BICC1: variants seen among roughly 807,000 people sequenced by gnomAD.
BICC1 encodes the protein BicC family RNA binding protein 1.
In BICC1, 43 loss-of-function variants were observed where a neutral mutation model predicts 111.0. That is an observed-to-expected ratio of 0.39 (90% CI 0.30 to 0.50). The LOEUF (loss-of-function observed/expected upper bound fraction) is 0.50, where lower values mean the gene tolerates loss of function less well. Among genes scored for constraint, BICC1 ranks in the 20% least tolerant of loss-of-function variants. The pLI is 0.88. For missense variants in BICC1, 1,091 were observed against 1,203.2 expected, an observed-to-expected ratio of 0.91 and a Z score of 1.38; for synonymous variants, 467 against 434.4, an observed-to-expected ratio of 1.07 and a Z score of -0.93.
intron 2 of BICC1, among the ~76,000 whole-genome samples, chr10:58,637,920 A>G (rs1564525131): frequency 1.3e-5 from 2 of 152,248 alleles, no homozygotes; most frequent in East Asian, 3.9e-4. Context: ...CCAGTAAGGT[A>G]CAGAAGGCCT....
chr10:58,759,617 A>G (rs370060594), intron 3 of BICC1, among the ~76,000 whole-genome samples: 13 of 152,302 alleles, frequency 8.5e-5, no homozygotes, highest in African/African-American at 2.9e-4. Context: ...GGTGTAAAAG[A>G]AACTGAACAT....
intron 3 of BICC1, among the ~76,000 whole-genome samples, chr10:58,744,024 C>T (rs537124564): frequency 2.6e-5 from 4 of 151,942 alleles, no homozygotes; most frequent in African/African-American, 9.7e-5. Context: ...TTTAATTCCA[C>T]GCTAATGAAC....
chr10:58,602,184 T>A (rs1845062158), intron 1 of BICC1, among the ~76,000 whole-genome samples: 1 of 152,132 alleles, frequency 6.6e-6, no homozygotes, highest in African/African-American at 2.4e-5. Context: ...TTCAAGATAA[T>A]AATACTTATA....
At chr10:58,616,317 T>G (rs1265256848) in intron 1 of BICC1, among the ~76,000 whole-genome samples, 2 of 152,144 alleles carry the variant, frequency 1.3e-5, no homozygotes, top group Non-Finnish European at 2.9e-5. Flanking sequence ...GAGATGTGGA[T>G]TGATTTGGTT....
At chr10:58,685,198 C>A (rs903018704) in intron 2 of BICC1, among the ~76,000 whole-genome samples, 1 of 152,144 alleles carries the variant, frequency 6.6e-6, no homozygotes, top group African/African-American at 2.4e-5. Context: ...GTTTCTTAAT[C>A]CTGAGTTCTA....
At chr10:58,622,983 A>G (rs1488055234) in intron 2 of BICC1, among the ~76,000 whole-genome samples, 2 of 152,168 alleles carry the variant, frequency 1.3e-5, no homozygotes, top group African/African-American at 4.8e-5. Flanking sequence ...TGAGGTGTGC[A>G]TGACAAAAGT....
At chr10:58,525,563 G>T (rs1842510122) in intron 1 of BICC1, among the ~76,000 whole-genome samples, 2 of 122,718 alleles carry the variant, frequency 1.6e-5, no homozygotes, top group Admixed American at 9.1e-5. Context: ...GGCCTGTTGT[G>T]GGGTGGGGGG....
chr10:58,794,957 G>A (rs7923911), intron 9 of BICC1, among the ~76,000 whole-genome samples: 17,611 of 152,092 alleles, frequency 0.12, 1,605 homozygotes, highest in African/African-American at 0.26. Flanking sequence ...ATATTGCATC[G>A]TAGTATGTAG....
At chr10:58,798,634 G>C in intron 11 of BICC1, 74 bp downstream of exon 11, 1 of 1,358,518 alleles carries the variant, frequency 7.4e-7, no homozygotes, top group Admixed American at 2.8e-5. Flanking sequence ...AATTTACGAA[G>C]GGCTCAGTTT....
At chr10:58,783,273 G>A (rs569323542) in intron 3 of BICC1, among the ~76,000 whole-genome samples, 11 of 152,272 alleles carry the variant, frequency 7.2e-5, no homozygotes, top group African/African-American at 2.4e-4. Flanking sequence ...GAGGCCAGAG[G>A]CATTCCTGAA....
chr10:58,756,315 A>T (rs1373359788), intron 3 of BICC1, among the ~76,000 whole-genome samples: 3 of 152,088 alleles, frequency 2.0e-5, no homozygotes, highest in African/African-American at 7.2e-5. Flanking sequence ...GAGAAACCAC[A>T]AGCATTCCTG....
Position 58,817,621 on chromosome 10 carries a change from A to G in BICC1, c.2593A>G (p.Asn865Asp). 1 of 1,613,628 alleles carries G rather than the reference A, an allele frequency of 6.2e-7. No homozygotes were observed. Among genetic ancestry groups the G allele is most frequent in the South Asian group, 1.1e-5 (1 of 91,078 alleles). ...MDCISSLTGS[N>D]GCNLNSSFKG... ...CTGCATTTCCTCGCTGACAGGAAGCAATGGCTGTAACTTAAATAGCTCTTT... is the reference window on the plus strand; with the variant it reads ...CTGCATTTCCTCGCTGACAGGAAGCGATGGCTGTAACTTAAATAGCTCTTT... Residue 865 changes from asparagine (N) to aspartate (D), a missense_variant, in exon 19 of 21, where the codon AAT becomes GAT. This residue lies in a region of BICC1 where 231 missense variants were observed against 256.2 expected (regional missense o/e 0.90). Coordinates refer to ENST00000373886, the MANE Select transcript of BICC1 (RefSeq NM_001080512.3).
chr10:58,625,204 C>T (rs1406676037), intron 2 of BICC1, among the ~76,000 whole-genome samples: 2 of 152,210 alleles, frequency 1.3e-5, no homozygotes, highest in African/African-American at 4.8e-5. Context: ...CAGTTTTTTA[C>T]AGTTCTTTGG....
intron 2 of BICC1, among the ~76,000 whole-genome samples, chr10:58,644,828 G>A (rs1413564008): frequency 5.9e-5 from 9 of 152,180 alleles, no homozygotes; most frequent in African/African-American, 2.2e-4. Context: ...GTTAAAAGCA[G>A]TGATAGATTT....
chr10:58,811,539 A>G (rs1315069966), intron 17 of BICC1, among the ~76,000 whole-genome samples: 1 of 152,210 alleles, frequency 6.6e-6, no homozygotes, highest in Non-Finnish European at 1.5e-5. Flanking sequence ...AAGGCGTCCC[A>G]TAGTTGTAGG....
intron 1 of BICC1, among the ~76,000 whole-genome samples, chr10:58,544,105 A>T (rs1401945285): frequency 6.6e-6 from 1 of 152,080 alleles, no homozygotes; most frequent in Non-Finnish European, 1.5e-5. Context: ...TTTCCTTCTG[A>T]GACTTTCATC....
intron 9 of BICC1, among the ~76,000 whole-genome samples, chr10:58,795,915 T>A (rs142184407): frequency 2.4e-4 from 36 of 152,264 alleles, no homozygotes; most frequent in African/African-American, 7.5e-4. Context: ...AATGACAAGA[T>A]GCAAGGGGGA....
chr10:58,739,382 A>G (rs1004443243), intron 3 of BICC1, among the ~76,000 whole-genome samples: 1 of 152,128 alleles, frequency 6.6e-6, no homozygotes, highest in Non-Finnish European at 1.5e-5. Context: ...GCTGGATTAC[A>G]TTTATTGATT....
chr10:58,618,700 G>T (rs568789860), intron 1 of BICC1, among the ~76,000 whole-genome samples: 239 of 152,284 alleles, frequency 1.6e-3, no homozygotes, highest in African/African-American at 5.4e-3. Context: ...TGTGGAATTT[G>T]TGCAAAAATA....
Sources: allele counts gnomAD v4.1 joint callset (sites outside exome capture counted in the v4.1 genomes callset), GRCh38; gene constraint gnomAD v4.1.1; regional missense constraint gnomAD v4.1.1; transcripts MANE v1.5; gene names NCBI Gene and HGNC (gene_info 2026-07-23, HGNC 2026-07-21).